CUBN: variants seen among roughly 807,000 people sequenced by gnomAD.
CUBN encodes cubilin, also known as 460 kDa receptor.
In CUBN, 282 loss-of-function variants were observed where a neutral mutation model predicts 405.3. The ratio of observed to expected loss-of-function variants is 0.70; its 90% CI spans 0.63 to 0.77. CUBN has a LOEUF of 0.77. Among genes scored for constraint, CUBN ranks in the 30% least tolerant of loss-of-function variants. The pLI is 0.00. For missense variants in CUBN, 4,514 were observed against 4,475.2 expected (o/e 1.01, Z -0.25); for synonymous variants, 1,684 against 1,617.0 (o/e 1.04, Z -0.99).
intron 22 of CUBN, among the ~76,000 whole-genome samples, chr10:17,048,043 G>A (rs1478019661): frequency 6.6e-6 from 1 of 152,202 alleles, no homozygotes; most frequent in Non-Finnish European, 1.5e-5. Context: ...TGAAGAATAA[G>A]GGCCCAGGCT....
chr10:16,972,185 C>T (rs1355043277), intron 31 of CUBN, among the ~76,000 whole-genome samples: 3 of 152,124 alleles, frequency 2.0e-5, no homozygotes, highest in Non-Finnish European at 4.4e-5. Context: ...CCACCCGTTA[C>T]ATGGCAGTGT....
chr10:16,870,797 A>G (rs1340585098), intron 58 of CUBN, among the ~76,000 whole-genome samples: 1 of 152,198 alleles, frequency 6.6e-6, no homozygotes, highest in Non-Finnish European at 1.5e-5. Context: ...TACTATGTGC[A>G]TAACCTATCC....
At chr10:16,891,129 G>C (rs1468888666) in intron 54 of CUBN, among the ~76,000 whole-genome samples, 2 of 152,186 alleles carry the variant, frequency 1.3e-5, no homozygotes, top group Non-Finnish European at 2.9e-5. Context: ...CTCCCAAGTA[G>C]ACCTGGGCTG....
chr10:17,001,145 T>C (rs1319427235), intron 28 of CUBN, among the ~76,000 whole-genome samples: 1 of 152,234 alleles, frequency 6.6e-6, no homozygotes, highest in African/African-American at 2.4e-5. Flanking sequence ...GGTGGGTTTC[T>C]GGTCTCGCTG....
intron 28 of CUBN, among the ~76,000 whole-genome samples, chr10:17,016,422 C>T (rs1031383634): frequency 2.0e-4 from 30 of 152,296 alleles, no homozygotes; most frequent in Non-Finnish European, 3.7e-4. Flanking sequence ...CACCAGGTAT[C>T]TCCAAACTCT....
intron 8 of CUBN, among the ~76,000 whole-genome samples, chr10:17,112,172 A>T (rs1461813345): frequency 6.6e-6 from 1 of 152,170 alleles, no homozygotes; most frequent in Non-Finnish European, 1.5e-5. Context: ...AAAAACCTTT[A>T]AAGATTTAAA....
At chr10:17,003,338 C>G (rs1361459143) in intron 28 of CUBN, among the ~76,000 whole-genome samples, 1 of 152,102 alleles carries the variant, frequency 6.6e-6, no homozygotes, top group African/African-American at 2.4e-5. Flanking sequence ...AGGTCTGCGC[C>G]TGAGATTAGA....
At chr10:16,905,948 AC>A (rs1447835372) in intron 50 of CUBN, among the ~76,000 whole-genome samples, 1 of 152,110 alleles carries the variant, frequency 6.6e-6, no homozygotes, top group Non-Finnish European at 1.5e-5. Context: ...CCCCATCTCT[AC>A]AAAAAATTTT....
intron 28 of CUBN, among the ~76,000 whole-genome samples, chr10:17,001,261 G>A (rs928452556): frequency 1.3e-5 from 2 of 152,216 alleles, no homozygotes; most frequent in African/African-American, 4.8e-5. Context: ...AAGAGCAAAA[G>A]AACAAAGCTT....
At chr10:16,953,675 G>C (rs886562918) in intron 32 of CUBN, among the ~76,000 whole-genome samples, 1 of 151,958 alleles carries the variant, frequency 6.6e-6, no homozygotes, top group African/African-American at 2.4e-5. Context: ...GGGCAACAGA[G>C]CAGATCCCAT....
Position 17,019,722 on chromosome 10 carries a change from C to T in CUBN, c.4168+111G>A, listed in dbSNP as rs561061517. On this transcript the variant is annotated intron_variant, in intron 28 of 66. Transcript: ENST00000377833. ...TTAAACCCTTGCATGAGATTACTAC[C>T]TGGGTTCCATTATTTGTTCATGGTA... 12 of 1,279,768 alleles carry T rather than the reference C, an allele frequency of 9.4e-6. No individual in the cohort carries two copies. In the Admixed American group the frequency reaches 1.7e-4, roughly 18 times the overall value. 79.3% of individuals were successfully genotyped at this position (1,279,768 alleles called of 1,614,324 possible). A position where few individuals can be genotyped will look rare whatever the true frequency, so the allele number is the denominator to read the frequency against.
intron 64 of CUBN, among the ~76,000 whole-genome samples, chr10:16,834,296 T>C (rs1259944262): frequency 6.6e-6 from 1 of 151,994 alleles, no homozygotes; most frequent in East Asian, 1.9e-4. Flanking sequence ...AGGGAGCTCA[T>C]CGGGGGCACT....
At position 16,874,473 on chromosome 10, in the gene CUBN, C is replaced by T. The variant is rs1195885429; in HGVS notation, c.9137G>A (p.Gly3046Glu). 1 of 1,613,980 alleles carries T rather than the reference C, an allele frequency of 6.2e-7. No homozygotes were observed. The highest frequency in any genetic ancestry group is 1.1e-5 in the South Asian group (1 of 91,068). ...SCGGVFNFSS[G>E]IITSPAYSYA... ...TGAATAGGCAGGACTTGTGATGATTCCAGAAGAGAAATTGAACACACCACC... is the reference window on the plus strand; with the variant it reads ...TGAATAGGCAGGACTTGTGATGATTTCAGAAGAGAAATTGAACACACCACC... Residue 3046 changes from glycine (G) to glutamate (E), a missense_variant, in exon 58 of 67, where the codon GGA becomes GAA. Transcript: ENST00000377833.
chr10:17,118,807 A>T (rs1277132954), intron 6 of CUBN, among the ~76,000 whole-genome samples: 1 of 152,226 alleles, frequency 6.6e-6, no homozygotes, highest in African/African-American at 2.4e-5. Flanking sequence ...TATGGCCTTT[A>T]AAAATGAACA....
intron 54 of CUBN, among the ~76,000 whole-genome samples, chr10:16,894,051 C>T (rs554133781): frequency 6.6e-6 from 1 of 152,174 alleles, no homozygotes; most frequent in Admixed American, 6.5e-5. Context: ...CTGCCCATGT[C>T]TTTTGTCCAT....
chr10:16,929,289 G>C (rs1842301158), intron 40 of CUBN, among the ~76,000 whole-genome samples: 1 of 152,032 alleles, frequency 6.6e-6, no homozygotes, highest in African/African-American at 2.4e-5. Context: ...TGATTATCTT[G>C]GATATAAGCT....
intron 59 of CUBN, among the ~76,000 whole-genome samples, chr10:16,855,876 G>A (rs561015704): frequency 1.2e-3 from 188 of 152,278 alleles, no homozygotes; most frequent in African/African-American, 4.1e-3. Flanking sequence ...GTGTAGTGCA[G>A]GGAATAGCAA....
At position 17,095,384 on chromosome 10, in the gene CUBN, A is replaced by G. The variant is rs185252533; in HGVS notation, c.1765+4621T>C. Among the ~76,000 whole-genome samples, 43 of 152,196 alleles carry G rather than the reference A, an allele frequency of 2.8e-4. No individual in the cohort carries two copies. In the East Asian group the frequency reaches 7.9e-3, roughly 28 times the overall value. The stretch of plus-strand genomic sequence containing the variant: ...GACCACAAAAGCACAACTGAAATAT[A>G]TAAAAAACTCAACTCAATATCAACA... On this transcript the variant is annotated intron_variant, in intron 14 of 66. Coordinates refer to ENST00000377833, the MANE Select transcript of CUBN (RefSeq NM_001081.4).
intron 19 of CUBN, among the ~76,000 whole-genome samples, chr10:17,070,846 A>C (rs1835723899): frequency 1.3e-5 from 2 of 152,104 alleles, no homozygotes; most frequent in Non-Finnish European, 2.9e-5. Flanking sequence ...TTCTGGATGC[A>C]TTTTATCTCT....
Sources: allele counts gnomAD v4.1 joint callset (sites outside exome capture counted in the v4.1 genomes callset), GRCh38; gene constraint gnomAD v4.1.1; transcripts MANE v1.5; gene names NCBI Gene and HGNC (gene_info 2026-07-23, HGNC 2026-07-21).